KLF8: variants seen among roughly 807,000 people sequenced by gnomAD.
The protein encoded by KLF8 is KLF transcription factor 8.
A neutral mutation model predicts 18.2 loss-of-function variants in KLF8; 10 were observed. The observed-to-expected ratio is 0.55, with a 90% CI of 0.34 to 0.93. The LOEUF is 0.93. Among genes scored for constraint, KLF8 ranks in the 40% least tolerant of loss-of-function variants. The pLI is 0.02. For missense variants in KLF8, 264 were observed against 277.9 expected, an observed-to-expected ratio of 0.95 and a Z score of 0.36; for synonymous variants, 109 against 97.3, an observed-to-expected ratio of 1.12 and a Z score of -0.71.
chrX:56,185,168 G>A, the KLF8 span, among the ~76,000 whole-genome samples: 1 of 112,281 alleles, frequency 8.9e-6, no homozygotes, highest in South Asian at 3.6e-4. Flanking sequence ...TCAAGACGGA[G>A]AAGTGGTTAA....
chrX:56,225,992 TA>T, the KLF8 span, among the ~76,000 whole-genome samples: 1 of 112,373 alleles, frequency 8.9e-6, no homozygotes, highest in Non-Finnish European at 1.9e-5. Context: ...AGAGGTATAC[TA>T]CATTGCAGTG....
chrX:56,005,041 T>G, the KLF8 span, among the ~76,000 whole-genome samples: 28 of 107,487 alleles, frequency 2.6e-4, no homozygotes, highest in African/African-American at 6.8e-4. Context: ...TTATTATTAT[T>G]ATTATTATTA....
At chrX:56,020,586 G>C in the KLF8 span, among the ~76,000 whole-genome samples, 1 of 111,785 alleles carries the variant, frequency 8.9e-6, no homozygotes, top group Non-Finnish European at 1.9e-5. Flanking sequence ...GTGAAGAATG[G>C]TGCCAAGGTA....
At chrX:56,205,502 C>T in the KLF8 span, among the ~76,000 whole-genome samples, 3 of 111,716 alleles carry the variant, frequency 2.7e-5, no homozygotes, top group Non-Finnish European at 5.6e-5. Context: ...CATTGCATCC[C>T]AGGGATTGCA....
the KLF8 span, among the ~76,000 whole-genome samples, chrX:55,938,552 A>G: frequency 9.0e-6 from 1 of 111,582 alleles, no homozygotes; most frequent in African/African-American, 3.3e-5. Flanking sequence ...AATGGGCTAA[A>G]TGCTCCAATT....
chrX:55,920,246 C>T, the KLF8 span, among the ~76,000 whole-genome samples: 90 of 111,438 alleles, frequency 8.1e-4, no homozygotes, highest in African/African-American at 2.7e-3. Flanking sequence ...GGGAGCACCC[C>T]GTGGGACAAA....
chrX:56,249,229 A>C (rs1024576278), intron 1 of KLF8, among the ~76,000 whole-genome samples: 2 of 112,569 alleles, frequency 1.8e-5, no homozygotes, highest in African/African-American at 6.4e-5. Context: ...ATTCAGAGCA[A>C]CTCTGGGGCT....
the KLF8 span, among the ~76,000 whole-genome samples, chrX:55,954,370 CA>C: frequency 9.0e-6 from 1 of 111,083 alleles, no homozygotes; most frequent in South Asian, 3.7e-4. Context: ...ATATACTTCA[CA>C]AAAAAATAGA....
At chrX:56,221,964 T>A in the KLF8 span, among the ~76,000 whole-genome samples, 1 of 111,400 alleles carries the variant, frequency 9.0e-6, no homozygotes, top group Non-Finnish European at 1.9e-5. Context: ...AGCCGATTGG[T>A]CCGTTTTGAC....
chrX:56,028,534 T>C, the KLF8 span, among the ~76,000 whole-genome samples: 3 of 111,546 alleles, frequency 2.7e-5, no homozygotes, highest in Admixed American at 2.9e-4. Flanking sequence ...AAGTAGGGCA[T>C]CCATCCCTTT....
At chrX:56,201,912 T>C in the KLF8 span, among the ~76,000 whole-genome samples, 3 of 111,669 alleles carry the variant, frequency 2.7e-5, no homozygotes, top group African/African-American at 9.7e-5. Context: ...ATTTCGTTTA[T>C]CAAGTGGAAC....
the KLF8 span, among the ~76,000 whole-genome samples, chrX:56,186,396 A>C: frequency 1.1e-4 from 12 of 111,655 alleles, no homozygotes; most frequent in African/African-American, 3.9e-4. Context: ...GTGACCTACA[A>C]AGAGACTTAG....
the KLF8 span, among the ~76,000 whole-genome samples, chrX:56,006,849 T>A: frequency 8.9e-6 from 1 of 112,155 alleles, no homozygotes; most frequent in African/African-American, 3.2e-5. Context: ...GCTTTCCTAT[T>A]GTGCACATGT....
At chrX:55,968,017 A>T in the KLF8 span, among the ~76,000 whole-genome samples, 5 of 111,706 alleles carry the variant, frequency 4.5e-5, no homozygotes, top group Admixed American at 4.8e-4. Flanking sequence ...ATCAAGAAAC[A>T]TACAATAGAT....
At chrX:55,981,116 C>A in the KLF8 span, among the ~76,000 whole-genome samples, 1 of 111,912 alleles carries the variant, frequency 8.9e-6, no homozygotes, top group Non-Finnish European at 1.9e-5. Context: ...TGGCTTGAAC[C>A]CGGGAGGCGG....
the KLF8 span, among the ~76,000 whole-genome samples, chrX:56,030,986 G>A: frequency 1.2e-4 from 13 of 110,512 alleles, no homozygotes; most frequent in East Asian, 3.7e-3. Context: ...CAGTTACTTT[G>A]TGCCATACCT....
intron 1 of KLF8, among the ~76,000 whole-genome samples, chrX:56,249,124 C>A (rs2147602828): frequency 8.9e-6 from 1 of 112,421 alleles, no homozygotes; most frequent in East Asian, 2.8e-4. Context: ...CCTCCATTAA[C>A]CTGTTAAAAG....
At chrX:56,032,793 G>T in the KLF8 span, among the ~76,000 whole-genome samples, 2 of 111,864 alleles carry the variant, frequency 1.8e-5, no homozygotes, top group South Asian at 3.7e-4. Context: ...TTAAACATTT[G>T]CAGACAGATT....
chrX:56,154,363 C>A, the KLF8 span, among the ~76,000 whole-genome samples: 1 of 111,914 alleles, frequency 8.9e-6, no homozygotes, highest in Non-Finnish European at 1.9e-5. Flanking sequence ...AAATGATTCC[C>A]TATTTAACAA....
Sources: gnomAD v4.1 joint callset for allele counts (sites outside exome capture counted in the v4.1 genomes callset) on GRCh38, gnomAD v4.1.1 for gene constraint, MANE v1.5 for transcripts, NCBI Gene and HGNC (gene_info 2026-07-23, HGNC 2026-07-21) for gene names.